DNER: variants seen among roughly 807,000 people sequenced by gnomAD.
DNER encodes the protein delta/notch like EGF repeat containing.
Under a neutral mutation model 78.2 loss-of-function variants are expected in DNER, and 33 were observed. That is an observed-to-expected ratio of 0.42 (90% CI 0.32 to 0.56). The LOEUF is 0.56. Ranked by LOEUF, DNER falls within the 20% of genes least tolerant of loss-of-function variation. The pLI is 0.11. For synonymous variants in DNER, 417 were observed against 384.8 expected (o/e 1.08, Z -0.98); for missense variants, 918 against 975.3 (o/e 0.94, Z 0.78).
intron 4 of DNER, among the ~76,000 whole-genome samples, chr2:229,550,228 A>G (rs908087607): frequency 4.0e-5 from 6 of 151,822 alleles, no homozygotes; most frequent in Non-Finnish European, 8.8e-5. Context: ...CCTGGCCTCA[A>G]GTGATCCTCC....
At chr2:229,568,423 C>A (rs147699652) in intron 4 of DNER, among the ~76,000 whole-genome samples, 242 of 152,242 alleles carry the variant, frequency 1.6e-3, no homozygotes, top group Non-Finnish European at 2.9e-3. Context: ...AGGAGAGAGA[C>A]CTGACTCCGC....
chr2:229,513,276 T>C (rs1695908857), intron 5 of DNER, among the ~76,000 whole-genome samples: 1 of 152,218 alleles, frequency 6.6e-6, no homozygotes, highest in South Asian at 2.1e-4. Context: ...AGTTTAATGC[T>C]ACAGCCATTA....
chr2:229,574,090 T>C lies in DNER; in HGVS notation c.847+11768A>G, dbSNP rs2154214107. Among the ~76,000 whole-genome samples, 3 of 152,234 alleles carry C rather than the reference T, an allele frequency of 2.0e-5. No homozygotes were observed. In the South Asian group the frequency reaches 6.2e-4, roughly 32 times the overall value. ...TTTCAAGTTGAATGCCACCTGAAGG[T>C]TGATGGAAGTGGAGCAACACAGAAT... is the stretch of plus-strand genomic sequence containing the variant. On this transcript the variant is annotated intron_variant, in intron 4 of 12. Transcript: ENST00000341772.
At chr2:229,674,949 C>G (rs1459251796) in intron 1 of DNER, among the ~76,000 whole-genome samples, 1 of 152,180 alleles carries the variant, frequency 6.6e-6, no homozygotes, top group Non-Finnish European at 1.5e-5. Context: ...TGAGGAGAAG[C>G]TACCTAAGCA....
rs115999143 is a variant in DNER, at chr2:229,684,624, C to G, written c.276+29524G>C. On this transcript the variant is annotated intron_variant, in intron 1 of 12. Transcript: ENST00000341772. ...TGAGCTCCTGTCTTCCCCTCTAGAG[C>G]TGGAAATTTACCTTGAATTTACCGC... is the stretch of plus-strand genomic sequence containing the variant. Among the ~76,000 whole-genome samples, 1,212 of 152,250 alleles carry G rather than the reference C, an allele frequency of 8.0e-3. 19 individuals are homozygous for G. Among genetic ancestry groups the G allele is most frequent in the African/African-American group, 0.028 (1,146 of 41,532 alleles).
At chr2:229,623,341 C>T (rs144152557) in intron 1 of DNER, among the ~76,000 whole-genome samples, 335 of 152,274 alleles carry the variant, frequency 2.2e-3, no homozygotes, top group Non-Finnish European at 3.8e-3. Context: ...TTGCAACTTA[C>T]CTTAGCTTCC....
intron 6 of DNER, among the ~76,000 whole-genome samples, chr2:229,482,247 C>T (rs1286373804): frequency 6.6e-6 from 1 of 152,216 alleles, no homozygotes; most frequent in East Asian, 1.9e-4. Flanking sequence ...AGTCCCAAAC[C>T]TCACTGCCTC....
At chr2:229,589,502 A>G (rs948245557) in intron 2 of DNER, among the ~76,000 whole-genome samples, 1 of 152,208 alleles carries the variant, frequency 6.6e-6, no homozygotes. Context: ...GGATAATAAT[A>G]TGCCTCCTGG....
At chr2:229,688,080 A>C (rs1369664975) in intron 1 of DNER, among the ~76,000 whole-genome samples, 2 of 152,236 alleles carry the variant, frequency 1.3e-5, no homozygotes, top group Non-Finnish European at 2.9e-5. Flanking sequence ...ATTAAGTAAT[A>C]GTTTTCCCTA....
rs377375018 is a variant in DNER at position 229,419,334 on chromosome 2, T to G, written c.1487-1104A>C. The stretch of plus-strand genomic sequence containing the variant: ...AATTTGCAGTGAAACCAGGCCATTT[T>G]TGTCCAGCCCTGTCCAAACAATGAA... On this transcript the variant is annotated intron_variant, in intron 8 of 12. Coordinates refer to ENST00000341772, the MANE Select transcript of DNER (RefSeq NM_139072.4). Among the ~76,000 whole-genome samples, 11 of 152,218 alleles carry G rather than the reference T, an allele frequency of 7.2e-5. No individual in the cohort carries two copies. The East Asian group carries it at 1.3e-3, about 19-fold the overall frequency.
At chr2:229,682,481 A>C (rs758275057) in intron 1 of DNER, among the ~76,000 whole-genome samples, 2 of 152,184 alleles carry the variant, frequency 1.3e-5, no homozygotes, top group African/African-American at 2.4e-5. Context: ...CTTCTTACTG[A>C]TATAATCAGC....
At chr2:229,452,602 T>C (rs1365146237) in intron 7 of DNER, among the ~76,000 whole-genome samples, 1 of 152,098 alleles carries the variant, frequency 6.6e-6, no homozygotes, top group African/African-American at 2.4e-5. Flanking sequence ...TGTTTGAGCC[T>C]TGTCTATTTT....
At chr2:229,431,127 T>C (rs1693995064) in intron 8 of DNER, among the ~76,000 whole-genome samples, 1 of 152,104 alleles carries the variant, frequency 6.6e-6, no homozygotes, top group Non-Finnish European at 1.5e-5. Context: ...TAAATCATAA[T>C]TAATTTATAT....
intron 8 of DNER, among the ~76,000 whole-genome samples, chr2:229,446,430 G>C (rs1307760488): frequency 5.9e-5 from 9 of 152,188 alleles, no homozygotes; most frequent in Admixed American, 5.9e-4. Flanking sequence ...TTTGTACAGT[G>C]AGGTGGGGTA....
At chr2:229,420,640 A>C (rs989734586) in intron 8 of DNER, among the ~76,000 whole-genome samples, 1 of 152,242 alleles carries the variant, frequency 6.6e-6, no homozygotes, top group Non-Finnish European at 1.5e-5. Flanking sequence ...GCATATGAAA[A>C]TAACATCACT....
At chr2:229,376,054 C>T (rs996666329) in intron 11 of DNER, among the ~76,000 whole-genome samples, 2 of 152,210 alleles carry the variant, frequency 1.3e-5, no homozygotes, top group African/African-American at 4.8e-5. Context: ...CTTGCTTCCC[C>T]TTCGCCTTTT....
chr2:229,493,852 T>C (rs567106585), intron 6 of DNER, among the ~76,000 whole-genome samples: 1 of 152,272 alleles, frequency 6.6e-6, no homozygotes, highest in Admixed American at 6.5e-5. Flanking sequence ...TGCATAATCT[T>C]CCCAAGGAGC....
chr2:229,705,704 A>G (rs966017598), intron 1 of DNER, among the ~76,000 whole-genome samples: 1 of 152,046 alleles, frequency 6.6e-6, no homozygotes, highest in Admixed American at 6.5e-5. Context: ...TAAGATGGGG[A>G]CTCATATTCA....
intron 7 of DNER, 100 bp from the exon 8 acceptor site, chr2:229,447,640 T>G (rs1694368398): frequency 3.2e-6 from 4 of 1,259,752 alleles, no homozygotes; most frequent in Non-Finnish European, 4.4e-6. Flanking sequence ...AACAATTAAT[T>G]CATTCACAGC....
Sources: allele counts gnomAD v4.1 joint callset (sites outside exome capture counted in the v4.1 genomes callset), GRCh38; gene constraint gnomAD v4.1.1; transcripts MANE v1.5; gene names NCBI Gene and HGNC (gene_info 2026-07-23, HGNC 2026-07-21).